CENPW: variants seen among roughly 807,000 people sequenced by gnomAD.
CENPW encodes the protein cancer-up-regulated gene 2 protein.
A neutral mutation model predicts 11.1 loss-of-function variants in CENPW; 3 were observed. That is an observed-to-expected ratio of 0.27 (90% CI 0.12 to 0.70). CENPW has a LOEUF of 0.70. Ranked by LOEUF, CENPW falls within the 30% of genes least tolerant of loss-of-function variation. The pLI, the probability that CENPW is intolerant of heterozygous loss-of-function variation, is 0.77. For missense variants in CENPW, 100 were observed against 105.6 expected, an observed-to-expected ratio of 0.95 and a Z score of 0.23; for synonymous variants, 38 against 42.0, an observed-to-expected ratio of 0.91 and a Z score of 0.37.
chr6:126,341,060 A>G (rs959155040), intron 1 of CENPW, among the ~76,000 whole-genome samples: 3 of 152,230 alleles, frequency 2.0e-5, no homozygotes, highest in African/African-American at 7.2e-5. Context: ...AAGCTAGACT[A>G]CTAAAGCCTG....
At chr6:126,415,061 A>G in the CENPW span, among the ~76,000 whole-genome samples, 2 of 152,112 alleles carry the variant, frequency 1.3e-5, no homozygotes, top group Non-Finnish European at 2.9e-5. Flanking sequence ...CAAAAACTGA[A>G]CAGATCAATA....
intron 1 of CENPW, among the ~76,000 whole-genome samples, chr6:126,343,052 A>G (rs1463390257): frequency 2.6e-5 from 4 of 152,214 alleles, no homozygotes; most frequent in African/African-American, 9.7e-5. Context: ...TTCATGTAAA[A>G]TTCAAAAGTG....
chr6:126,381,888 C>A, the CENPW span, among the ~76,000 whole-genome samples: 1 of 152,230 alleles, frequency 6.6e-6, no homozygotes, highest in East Asian at 1.9e-4. Flanking sequence ...CTGAGCTGAA[C>A]CTTGGCTCCC....
At chr6:126,398,290 G>T in the CENPW span, among the ~76,000 whole-genome samples, 4 of 152,076 alleles carry the variant, frequency 2.6e-5, no homozygotes, top group Admixed American at 6.6e-5. Context: ...TGTTTTGTTT[G>T]CTGAAGCATC....
At chr6:126,454,988 G>C in the CENPW span, among the ~76,000 whole-genome samples, 1 of 151,140 alleles carries the variant, frequency 6.6e-6, no homozygotes, top group African/African-American at 2.4e-5. Flanking sequence ...ATAAATTCCT[G>C]GAAACATACA....
At chr6:126,362,570 C>A in the CENPW span, among the ~76,000 whole-genome samples, 1 of 152,198 alleles carries the variant, frequency 6.6e-6, no homozygotes, top group Non-Finnish European at 1.5e-5. Context: ...AATTCGTTCT[C>A]TCTCAGTGGG....
chr6:126,418,137 GC>G, the CENPW span, among the ~76,000 whole-genome samples: 4 of 152,140 alleles, frequency 2.6e-5, no homozygotes, highest in African/African-American at 9.7e-5. Flanking sequence ...GTTATTATAC[GC>G]TGCTGGTCAG....
At chr6:126,443,525 T>A in the CENPW span, among the ~76,000 whole-genome samples, 2 of 151,332 alleles carry the variant, frequency 1.3e-5, no homozygotes, top group Non-Finnish European at 3.0e-5. Context: ...TTCTCTTAGA[T>A]CCTTTATTTC....
intron 1 of CENPW, among the ~76,000 whole-genome samples, chr6:126,342,013 G>C (rs958965573): frequency 6.6e-6 from 1 of 152,294 alleles, no homozygotes; most frequent in Middle Eastern, 3.4e-3. Flanking sequence ...TAGTATGCTC[G>C]TCGTGTTTGG....
the CENPW span, among the ~76,000 whole-genome samples, chr6:126,394,492 T>C: frequency 2.0e-5 from 3 of 152,144 alleles, no homozygotes; most frequent in African/African-American, 7.2e-5. Flanking sequence ...TTTACTATCA[T>C]GTCTTGAAAC....
chr6:126,480,067 T>A, the CENPW span, among the ~76,000 whole-genome samples: 1 of 152,000 alleles, frequency 6.6e-6, no homozygotes, highest in Non-Finnish European at 1.5e-5. Flanking sequence ...GTTTAGTGCA[T>A]GTTATAGTCC....
chr6:126,374,668 T>C, the CENPW span, among the ~76,000 whole-genome samples: 1 of 152,122 alleles, frequency 6.6e-6, no homozygotes, highest in Non-Finnish European at 1.5e-5. Context: ...TTACAGTAGT[T>C]ATGGTGTGAA....
the CENPW span, among the ~76,000 whole-genome samples, chr6:126,441,111 G>A: frequency 6.6e-6 from 1 of 151,412 alleles, no homozygotes; most frequent in Non-Finnish European, 1.5e-5. Flanking sequence ...AAGATTGGCA[G>A]GTGGAAGTGA....
the CENPW span, among the ~76,000 whole-genome samples, chr6:126,460,639 T>C: frequency 2.0e-5 from 3 of 151,688 alleles, no homozygotes; most frequent in Admixed American, 6.6e-5. Context: ...AGCTGGACAG[T>C]AGTTAAAGCA....
At chr6:126,353,124 A>G (rs1780510378), downstream of CENPW, among the ~76,000 whole-genome samples, 1 of 152,036 alleles carries the variant, frequency 6.6e-6, no homozygotes, top group Non-Finnish European at 1.5e-5. Context: ...TATTACTAGT[A>G]TGACTTGGTA....
the CENPW span, among the ~76,000 whole-genome samples, chr6:126,422,434 T>C: frequency 6.6e-6 from 1 of 152,092 alleles, no homozygotes; most frequent in Non-Finnish European, 1.5e-5. Flanking sequence ...TCTCCTTGGC[T>C]TGCCCATGAC....
the CENPW span, among the ~76,000 whole-genome samples, chr6:126,369,137 T>G: frequency 3.0e-3 from 456 of 152,242 alleles, 3 homozygotes; most frequent in African/African-American, 0.01. Flanking sequence ...CTGAGTAGTA[T>G]TCCATGGTGT....
the CENPW span, among the ~76,000 whole-genome samples, chr6:126,375,854 C>T: frequency 1.3e-5 from 2 of 152,052 alleles, no homozygotes; most frequent in African/African-American, 2.4e-5. Flanking sequence ...ATTTCTAATC[C>T]TTTACTCCTT....
the CENPW span, among the ~76,000 whole-genome samples, chr6:126,452,030 A>C: frequency 4.5e-4 from 68 of 151,244 alleles, no homozygotes; most frequent in African/African-American, 1.5e-3. Context: ...CATGTGGAAC[A>C]GGTACAAATA....
Sources: gnomAD v4.1 joint callset for allele counts (sites outside exome capture counted in the v4.1 genomes callset) on GRCh38, gnomAD v4.1.1 for gene constraint, MANE v1.5 for transcripts, NCBI Gene and HGNC (gene_info 2026-07-23, HGNC 2026-07-21) for gene names.